CDH18: variants seen among roughly 807,000 people sequenced by gnomAD.
The protein encoded by CDH18 is cadherin 18.
A neutral mutation model predicts 67.9 loss-of-function variants in CDH18; 31 were observed. The observed-to-expected ratio is 0.46, with a 90% confidence interval of 0.34 to 0.62. The LOEUF (loss-of-function observed/expected upper bound fraction) is 0.62. CDH18 is among the 20% of genes least tolerant of loss of function. CDH18 has a pLI of 0.01. For synonymous variants in CDH18, 362 were observed against 347.2 expected (o/e 1.04, Z -0.48); for missense variants, 890 against 975.5 (o/e 0.91, Z 1.17).
At chr5:19,521,361 A>G (rs1302391736) in intron 9 of CDH18, among the ~76,000 whole-genome samples, 1 of 152,186 alleles carries the variant, frequency 6.6e-6, no homozygotes, top group Non-Finnish European at 1.5e-5. Flanking sequence ...AGATATCAAA[A>G]TATATTCAAT....
intron 1 of CDH18, among the ~76,000 whole-genome samples, chr5:20,536,266 T>TAATA (rs1756712228): frequency 6.6e-6 from 1 of 152,076 alleles, no homozygotes; most frequent in African/African-American, 2.4e-5. Context: ...AAAATCTAGT[T>TAATA]TATTGAGTAG....
intron 5 of CDH18, among the ~76,000 whole-genome samples, chr5:19,714,867 T>C (rs1331913674): frequency 6.6e-6 from 1 of 152,020 alleles, no homozygotes; most frequent in African/African-American, 2.4e-5. Flanking sequence ...TACTGCAAAA[T>C]TGTTTGTGCA....
rs554160003 is a variant in CDH18, at chr5:20,526,629, C to T, written c.-580+48833G>A. Among the ~76,000 whole-genome samples, 5 of 152,056 alleles carry T rather than the reference C, an allele frequency of 3.3e-5. No individual in the cohort carries two copies. The East Asian group carries it at 9.7e-4, about 29-fold the overall frequency. On this transcript the variant is annotated intron_variant, in intron 1 of 14. Transcript: ENST00000507958. ...CCAGGTAAACAGGGTCTGGAGTGGG[C>T]CCCCAGCAAACTGCAGCAGACCTGC... is the stretch of plus-strand genomic sequence containing the variant.
chr5:19,928,499 T>A (rs1793326512), intron 2 of CDH18, among the ~76,000 whole-genome samples: 1 of 152,114 alleles, frequency 6.6e-6, no homozygotes, highest in African/African-American at 2.4e-5. Flanking sequence ...AAATAAATGA[T>A]CATCCTGAAA....
chr5:20,143,647 G>T (rs1210068319), intron 2 of CDH18, among the ~76,000 whole-genome samples: 7 of 152,122 alleles, frequency 4.6e-5, no homozygotes, highest in Non-Finnish European at 1.0e-4. Flanking sequence ...TGGATTACAG[G>T]TGTGAACCAC....
intron 5 of CDH18, among the ~76,000 whole-genome samples, chr5:19,641,830 C>T (rs1192420817): frequency 2.0e-5 from 3 of 151,318 alleles, no homozygotes; most frequent in Non-Finnish European, 4.4e-5. Context: ...CAGTACAATT[C>T]AACAAGAAAA....
chr5:20,533,953 C>T (rs903562922), intron 1 of CDH18, among the ~76,000 whole-genome samples: 7 of 151,852 alleles, frequency 4.6e-5, no homozygotes, highest in African/African-American at 1.4e-4. Context: ...TATATATAAA[C>T]CAAAAGCTTT....
At chr5:19,904,962 A>G (rs887915544) in intron 2 of CDH18, among the ~76,000 whole-genome samples, 1 of 152,186 alleles carries the variant, frequency 6.6e-6, no homozygotes, top group Non-Finnish European at 1.5e-5. Flanking sequence ...CTGAGAGATA[A>G]CCATGGGATT....
intron 2 of CDH18, among the ~76,000 whole-genome samples, chr5:20,106,496 A>G (rs1746948130): frequency 6.6e-6 from 1 of 152,104 alleles, no homozygotes; most frequent in Non-Finnish European, 1.5e-5. Flanking sequence ...ACACCTTAAA[A>G]TTTTCCTCAT....
chr5:19,518,098 TA>T (rs1746319760), intron 10 of CDH18, among the ~76,000 whole-genome samples: 1 of 151,938 alleles, frequency 6.6e-6, no homozygotes, highest in African/African-American at 2.4e-5. Context: ...GAATATTTAA[TA>T]ATATATTTAT....
At chr5:19,477,887 G>A (rs1738752720) in intron 12 of CDH18, among the ~76,000 whole-genome samples, 1 of 151,978 alleles carries the variant, frequency 6.6e-6, no homozygotes, top group African/African-American at 2.4e-5. Context: ...GAAGCCAACT[G>A]GATTGAAACT....
intron 1 of CDH18, among the ~76,000 whole-genome samples, chr5:20,269,696 T>G (rs1745295502): frequency 6.6e-6 from 1 of 151,942 alleles, no homozygotes; most frequent in Non-Finnish European, 1.5e-5. Context: ...GAAAACGAAA[T>G]TATAGATATT....
intron 2 of CDH18, among the ~76,000 whole-genome samples, chr5:20,172,205 T>C (rs1419928026): frequency 1.6e-4 from 10 of 62,186 alleles, no homozygotes; most frequent in East Asian, 5.4e-4. Context: ...TATATATATA[T>C]ATATATATAT....
intron 1 of CDH18, among the ~76,000 whole-genome samples, chr5:20,424,703 C>G (rs112682271): frequency 7.7e-6 from 1 of 129,562 alleles, no homozygotes; most frequent in Non-Finnish European, 1.6e-5. Flanking sequence ...GCAGAGATAC[C>G]ACCACTACAC....
intron 1 of CDH18, among the ~76,000 whole-genome samples, chr5:20,332,779 G>T (rs909347918): frequency 1.3e-5 from 2 of 152,048 alleles, no homozygotes; most frequent in African/African-American, 4.8e-5. Context: ...TTACCCAATT[G>T]TGCCAGTTCA....
At position 19,667,923 on chromosome 5, in the gene CDH18, A is replaced by C. The variant is rs79380674; in HGVS notation, c.643+53424T>G. 1.1e-4 allele frequency among the ~76,000 whole-genome samples: 16 copies of C among 151,944 alleles called. No homozygotes were observed. In the East Asian group the frequency reaches 2.9e-3, roughly 28 times the overall value. Reference sequence around the variant, plus strand: ...GAGGGATATTTTAGTTGTATTTCTTACTCTCTAGCCATGTGGCCTGCCCGA... The same window carrying C: ...GAGGGATATTTTAGTTGTATTTCTTCCTCTCTAGCCATGTGGCCTGCCCGA... On this transcript the variant is annotated intron_variant, in intron 5 of 12. Coordinates refer to ENST00000382275, the MANE Select transcript of CDH18 (RefSeq NM_004934.5).
intron 2 of CDH18, chr5:19,886,208 A>C (rs570577268): frequency 9.8e-5 from 15 of 152,286 alleles, no homozygotes; most frequent in African/African-American, 3.6e-4. Context: ...GCTGACAATA[A>C]TCTTTCTTGG....
chr5:19,596,292 TATC>T (rs1361521331), intron 6 of CDH18, among the ~76,000 whole-genome samples: 2 of 152,154 alleles, frequency 1.3e-5, no homozygotes, highest in Non-Finnish European at 2.9e-5. Flanking sequence ...GCCTTGAAAA[TATC>T]ATGATGTTCC....
At chr5:19,617,095 G>C (rs1226953090) in intron 5 of CDH18, among the ~76,000 whole-genome samples, 1 of 152,156 alleles carries the variant, frequency 6.6e-6, no homozygotes, top group Non-Finnish European at 1.5e-5. Context: ...TTGTGTGCAA[G>C]TGGTTCAAGA....
Sources: gnomAD v4.1 joint callset for allele counts (sites outside exome capture counted in the v4.1 genomes callset) on GRCh38, gnomAD v4.1.1 for gene constraint, MANE v1.5 for transcripts, NCBI Gene and HGNC (gene_info 2026-07-23, HGNC 2026-07-21) for gene names.